The following EXOC2 variants were observed in gnomAD, a reference collection of about 807,000 sequenced individuals.
EXOC2 encodes SEC5-like 1.
A neutral mutation model predicts 131.8 loss-of-function variants in EXOC2; 70 were observed. The observed-to-expected ratio is 0.53, with a 90% confidence interval of 0.44 to 0.65. The LOEUF (loss-of-function observed/expected upper bound fraction) is 0.65. EXOC2 is among the 30% of genes least tolerant of loss of function. The pLI is 0.00. For missense variants in EXOC2, 923 were observed against 1,108.6 expected, an observed-to-expected ratio of 0.83 and a Z score of 2.38; for synonymous variants, 411 against 398.4, an observed-to-expected ratio of 1.03 and a Z score of -0.38.
intron 20 of EXOC2, among the ~76,000 whole-genome samples, chr6:554,880 G>C (rs1757337230): frequency 6.6e-6 from 1 of 152,162 alleles, no homozygotes; most frequent in African/African-American, 2.4e-5. Flanking sequence ...TTAGTCTCTA[G>C]CAAGAGCAAT....
chr6:488,554 CAAAAT>C (rs1046345248), intron 27 of EXOC2, among the ~76,000 whole-genome samples: 8 of 151,814 alleles, frequency 5.3e-5, no homozygotes, highest in African/African-American at 1.7e-4. Context: ...TTATAGAACA[CAAAAT>C]AAATACTACT....
intron 27 of EXOC2, among the ~76,000 whole-genome samples, chr6:487,902 C>T (rs540766743): frequency 1.3e-5 from 2 of 152,284 alleles, no homozygotes; most frequent in South Asian, 2.1e-4. Context: ...GTGTATTGTT[C>T]GTGACACACT....
At chr6:671,596 T>C (rs926679671) in intron 1 of EXOC2, among the ~76,000 whole-genome samples, 2 of 152,210 alleles carry the variant, frequency 1.3e-5, no homozygotes, top group African/African-American at 4.8e-5. Context: ...GAACAACTTT[T>C]AACATTTTAA....
At chr6:586,174 A>G (rs1407746176) in intron 11 of EXOC2, among the ~76,000 whole-genome samples, 3 of 152,218 alleles carry the variant, frequency 2.0e-5, no homozygotes, top group Non-Finnish European at 4.4e-5. Flanking sequence ...GCAGGTGCCA[A>G]GCAAACAAGT....
rs1273311687 is a variant in EXOC2, at chr6:676,917, A to AGC, written c.-44+16101_-44+16102insGC. On this transcript the variant is annotated intron_variant, in intron 1 of 27. Transcript: ENST00000230449. ...GAGACTGCGGTTCCCCATACTCTTC[A>AGC]ACATTACAGAAAGGACAGGTTCCTC... Among the ~76,000 whole-genome samples the AGC allele has an allele frequency of 4.5e-4, 53 of 118,194 alleles. 4 individuals carry two copies. Among genetic ancestry groups the AGC allele is most frequent in the African/African-American group, 7.8e-4 (27 of 34,600 alleles). The allele number at this position is 118,194 out of a possible 152,430, so 77.5% of individuals were successfully genotyped here.
chr6:544,151 CCTT>C (rs1561838250), intron 22 of EXOC2, among the ~76,000 whole-genome samples: 1 of 152,204 alleles, frequency 6.6e-6, no homozygotes, highest in African/African-American at 2.4e-5. Flanking sequence ...CTGTTTTACT[CCTT>C]ATTTCCTGCA....
chr6:572,013 G>A (rs1026600896), intron 13 of EXOC2, among the ~76,000 whole-genome samples: 1 of 152,214 alleles, frequency 6.6e-6, no homozygotes, highest in Admixed American at 6.5e-5. Flanking sequence ...TGCAGAAGGT[G>A]GACGGGCTCA....
chr6:544,183 A>G (rs1756706897), intron 22 of EXOC2, among the ~76,000 whole-genome samples: 1 of 152,196 alleles, frequency 6.6e-6, no homozygotes, highest in African/African-American at 2.4e-5. Context: ...CTTTCCAAAG[A>G]GATGTGGTGC....
chr6:611,220 A>T (rs1760698526), intron 6 of EXOC2, among the ~76,000 whole-genome samples: 1 of 152,162 alleles, frequency 6.6e-6, no homozygotes. Flanking sequence ...GCTAAACTGG[A>T]AAGACTTCCA....
chr6:618,582 A>C (rs951459184), intron 5 of EXOC2, among the ~76,000 whole-genome samples: 3 of 152,212 alleles, frequency 2.0e-5, no homozygotes, highest in African/African-American at 7.2e-5. Context: ...TACAATGAAA[A>C]AATTCATCTT....
intron 7 of EXOC2, among the ~76,000 whole-genome samples, chr6:608,685 G>GCCTAACACA (rs148150496): frequency 0.027 from 4,145 of 152,258 alleles, 215 homozygotes; most frequent in African/African-American, 0.095. Flanking sequence ...ACTATGGTAA[G>GCCTAACACA]CCTAACACAT....
At chr6:651,479 C>A (rs1762828065) in intron 1 of EXOC2, among the ~76,000 whole-genome samples, 1 of 151,234 alleles carries the variant, frequency 6.6e-6, no homozygotes, top group Non-Finnish European at 1.5e-5. Context: ...CATGGTGAAA[C>A]CCCATCTCTA....
At chr6:637,642 C>T in intron 2 of EXOC2, 59 bp downstream of exon 2, 3 of 1,293,364 alleles carry the variant, frequency 2.3e-6, no homozygotes, top group Non-Finnish European at 3.2e-6. Flanking sequence ...CATATCTTGT[C>T]TCCCTTGTCC....
intron 7 of EXOC2, among the ~76,000 whole-genome samples, chr6:605,280 T>C (rs1477945510): frequency 6.6e-6 from 1 of 152,240 alleles, no homozygotes; most frequent in Non-Finnish European, 1.5e-5. Context: ...GAAAATTACA[T>C]TTGTTCTGTG....
At chr6:575,048 C>A (rs1758500401) in intron 12 of EXOC2, among the ~76,000 whole-genome samples, 1 of 152,256 alleles carries the variant, frequency 6.6e-6, no homozygotes, top group Non-Finnish European at 1.5e-5. Flanking sequence ...TTTGTCCCCA[C>A]CAAATCTCAT....
chr6:572,914 C>T (rs373251038), intron 12 of EXOC2, among the ~76,000 whole-genome samples: 9 of 152,338 alleles, frequency 5.9e-5, no homozygotes, highest in East Asian at 5.8e-4. Flanking sequence ...GACCAGGTGG[C>T]CACAGCCTCA....
At chr6:625,481 A>G (rs1394256658) in intron 4 of EXOC2, among the ~76,000 whole-genome samples, 1 of 136,466 alleles carries the variant, frequency 7.3e-6, no homozygotes, top group Non-Finnish European at 1.6e-5. Flanking sequence ...CATTGTTTAC[A>G]CTCTGTTGTA....
rs1763078334 is a variant in EXOC2, at chr6:486,739, A to C, written c.2707T>G (p.Phe903Val). Reference sequence around the variant, plus strand: ...AGCTGCAAGTGCATGCTACTCTTGAACTTGTTCAGGAGCTCTTCCAGTAAC... The same window carrying C: ...AGCTGCAAGTGCATGCTACTCTTGACCTTGTTCAGGAGCTCTTCCAGTAAC... ...KKLLEELLNK[F>V]KSSMHLQLTC... The change falls in exon 28 of 28, where the codon TTC (phenylalanine) becomes GTC (valine). Residue 903 changes from phenylalanine (F) to valine (V), a missense_variant. By Grantham distance (50) the Phe-to-Val change is conservative. Coordinates refer to ENST00000230449, the MANE Select transcript of EXOC2 (RefSeq NM_018303.6). 1.9e-6 allele frequency: 3 copies of C among 1,613,978 alleles called. No individual in the cohort carries two copies. Among genetic ancestry groups the C allele is most frequent in the African/African-American group, 1.3e-5 (1 of 74,902 alleles).
intron 11 of EXOC2, among the ~76,000 whole-genome samples, chr6:579,944 CAT>C (rs1290426049): frequency 2.6e-5 from 4 of 152,020 alleles, no homozygotes; most frequent in African/African-American, 9.7e-5. Flanking sequence ...AAATATTTCA[CAT>C]ATCAGTCTAT....
Sources: allele counts gnomAD v4.1 joint callset (sites outside exome capture counted in the v4.1 genomes callset), GRCh38; gene constraint gnomAD v4.1.1; transcripts MANE v1.5; gene names NCBI Gene and HGNC (gene_info 2026-07-23, HGNC 2026-07-21).